ERBB2: variants seen among roughly 807,000 people sequenced by gnomAD.
ERBB2 encodes erb-b2 receptor tyrosine kinase 2.
A neutral mutation model predicts 149.0 loss-of-function variants in ERBB2; 61 were observed. The ratio of observed to expected loss-of-function variants is 0.41; its 90% CI spans 0.33 to 0.51. The LOEUF (loss-of-function observed/expected upper bound fraction) is 0.51, where lower values mean the gene tolerates loss of function less well. Among genes scored for constraint, ERBB2 ranks in the 20% least tolerant of loss-of-function variants. The pLI, the probability that ERBB2 is intolerant of heterozygous loss-of-function variation, is 0.25. For synonymous variants in ERBB2, 633 were observed against 678.8 expected (o/e 0.93, Z 1.05); for missense variants, 1,205 against 1,655.1 (o/e 0.73, Z 4.72).
At position 39,727,045 on chromosome 17, in the gene ERBB2, C is replaced by T. The variant is rs750970918; in HGVS notation, c.3159+42C>T. 1 of 1,505,018 alleles carries T rather than the reference C, an allele frequency of 6.6e-7. No individual in the cohort carries two copies. The highest frequency in any genetic ancestry group is 8.9e-7 in the Non-Finnish European group (1 of 1,119,858). The allele number at this position is 1,505,018 out of a possible 1,614,324, so 93.2% of individuals were successfully genotyped here. A position where few individuals can be genotyped will look rare whatever the true frequency, so the allele number is the denominator to read the frequency against. Reference sequence around the variant, plus strand: ...ACACTGTGTGGCTGTCTGCTTACCTCCCCCAACCCCGGTGGACTAGGGTCC... The same window carrying T: ...ACACTGTGTGGCTGTCTGCTTACCTTCCCCAACCCCGGTGGACTAGGGTCC... On this transcript the variant is annotated intron_variant, in intron 25 of 26. Coordinates refer to ENST00000269571, the MANE Select transcript of ERBB2 (RefSeq NM_004448.4). This position sits in a 1 kb window ranked among gnomAD's most constrained non-coding sequence, Gnocchi z 4.3.
rs1031805968 is a variant in ERBB2, at chr17:39,725,572, C to G, written c.2726-135C>G. 20 of 1,214,658 alleles carry G rather than the reference C, an allele frequency of 1.6e-5. No individual in the cohort carries two copies. The highest frequency in any genetic ancestry group is 1.3e-5 in the Non-Finnish European group (11 of 862,002). 75.2% of individuals were successfully genotyped at this position (1,214,658 alleles called of 1,614,324 possible). A position where few individuals can be genotyped will look rare whatever the true frequency, so the allele number is the denominator to read the frequency against. On this transcript the variant is annotated intron_variant, in intron 22 of 26. Coordinates refer to ENST00000269571, the MANE Select transcript of ERBB2 (RefSeq NM_004448.4). This position sits in a 1 kb window ranked among gnomAD's most constrained non-coding sequence, Gnocchi z 4.6. ...GCACTTCCCAGGATTAGGGAAAGAC[C>G]GGGTAGGGTCTGTCTCCTGGCATCA...
In ERBB2 at chr17:39,715,841, C is replaced by T. The variant is rs768049972; in HGVS notation, c.1415C>T (p.Thr472Ile). 6.8e-6 allele frequency: 11 copies of T among 1,612,406 alleles called. No individual in the cohort carries two copies. The highest frequency in any genetic ancestry group is 1.6e-4 in the Middle Eastern group (1 of 6,062). Reference protein sequence around the residue: ...GSGLALIHHNTHLCFVHTVPW... With the variant: ...GSGLALIHHNIHLCFVHTVPW... ...GGACTGGCCCTCATCCACCATAACA[C>T]CCACCTCTGCTTCGTGCACACGGTG... Residue 472 changes from threonine to isoleucine, a missense_variant, in exon 12 of 27, where the codon ACC becomes ATC. By Grantham distance (89) the Thr-to-Ile change is moderately conservative. Transcript: ENST00000269571.
intron 3 of ERBB2, among the ~76,000 whole-genome samples, chr17:39,708,965 G>A (rs1186896635): frequency 6.6e-6 from 1 of 152,128 alleles, no homozygotes; most frequent in African/African-American, 2.4e-5. Flanking sequence ...GCAGATATAA[G>A]GGCCAAAAGT....
Position 39,725,952 on chromosome 17 carries a change from C to A in ERBB2, c.2872+99C>A. The A allele has an allele frequency of 1.6e-6, 2 of 1,284,294 alleles. No homozygotes were observed. Among genetic ancestry groups the A allele is most frequent in the East Asian group, 2.3e-5 (1 of 42,818 alleles). 79.6% of individuals were successfully genotyped at this position (1,284,294 alleles called of 1,614,324 possible). On this transcript the variant is annotated intron_variant, in intron 23 of 26. Coordinates refer to ENST00000269571, the MANE Select transcript of ERBB2 (RefSeq NM_004448.4). This position sits in a 1 kb window ranked among gnomAD's most constrained non-coding sequence, Gnocchi z 4.6. ...GAAAGGGGACCAGGATGTATGTAGACCCAGGAGCCCTAGTATGTTAGGAGC... is the reference window on the plus strand; with the variant it reads ...GAAAGGGGACCAGGATGTATGTAGAACCAGGAGCCCTAGTATGTTAGGAGC...
At chr17:39,688,204 C>T in exon 1 of ERBB2, 1 of 457,484 alleles carries the variant, frequency 2.2e-6, no homozygotes, top group East Asian at 3.5e-5. Flanking sequence ...TATATCGAGG[C>T]GATAGGGTTA....
In ERBB2 at chr17:39,705,580, C is replaced by T. The variant is rs4252601; in HGVS notation, c.74-1410C>T. 9.9e-5 allele frequency among the ~76,000 whole-genome samples: 15 copies of T among 152,222 alleles called. No homozygotes were observed. In the South Asian group the frequency reaches 2.3e-3, roughly 23 times the overall value. ...CTCCCTCCTGTTCCTCCCTCTTTGT[C>T]CTTATCTGCCTAGAGAGGTGGGAAT... On this transcript the variant is annotated intron_variant, in intron 1 of 26. Transcript: ENST00000269571.
intron 3 of ERBB2, 23 bp downstream of exon 3, chr17:39,708,557 CCTT>C (rs2058601897): frequency 6.3e-7 from 1 of 1,595,810 alleles, no homozygotes. Flanking sequence ...GTCATTGAAA[CCTT>C]CTCTTGGTTA....
rs753267835 is a variant in ERBB2 at position 39,717,467 on chromosome 17, A to G, written c.1885A>G (p.Asn629Asp). The change falls in exon 15 of 27, where the codon AAC becomes GAC. Residue 629 changes from asparagine to aspartate, a missense_variant. Physicochemically the swap from Asn to Asp is conservative, Grantham distance 23. This residue lies in a region of ERBB2 where 569 missense variants were observed against 803.5 expected (regional missense o/e 0.71). Transcript: ENST00000269571. ...GGGCGCATGCCAGCCTTGCCCCATC[A>G]ACTGCACCCACTCGTGAGTCCAACG... is the stretch of plus-strand genomic sequence containing the variant. ...EEGACQPCPI[N>D]CTHSCVDLDD... The G allele has an allele frequency of 1.5e-5, 24 of 1,612,624 alleles. No homozygotes were observed. In the South Asian group the frequency reaches 2.3e-4, roughly 16 times the overall value.
rs951123143 is a variant in ERBB2, at chr17:39,723,798, G to A, written c.2209-114G>A. ...GGGCAGTTACAGCGGAGAAGGGAGC[G>A]GGGCCAAGCCCTAGGGTGGTGAAGG... On this transcript the variant is annotated intron_variant, in intron 18 of 26. Transcript: ENST00000269571. This position sits in a 1 kb window ranked among gnomAD's most constrained non-coding sequence, Gnocchi z 6.2. 2 of 1,488,592 alleles carry A rather than the reference G, an allele frequency of 1.3e-6. No individual in the cohort carries two copies. Among genetic ancestry groups the A allele is most frequent in the South Asian group, 2.4e-5 (2 of 82,496 alleles). 92.2% of individuals were successfully genotyped at this position (1,488,592 alleles called of 1,614,324 possible).
rs138611862 is a variant in ERBB2, at chr17:39,727,706, G to A, written c.3430G>A (p.Asp1144Asn). 14 of 1,555,730 alleles carry A rather than the reference G, an allele frequency of 9.0e-6. No individual in the cohort carries two copies. Among genetic ancestry groups the A allele is most frequent in the Non-Finnish European group, 1.1e-5 (13 of 1,151,588 alleles). The change falls in exon 27 of 27, where the codon GAT (aspartate) becomes AAT (asparagine). Residue 1144 changes from aspartate to asparagine, a missense_variant. Coordinates refer to ENST00000269571, the MANE Select transcript of ERBB2 (RefSeq NM_004448.4). This position sits in a 1 kb window ranked among gnomAD's most constrained non-coding sequence, Gnocchi z 4.3. ...CCTTTCAGAATATGTGAACCAGCCA[G>A]ATGTTCGGCCCCAGCCCCCTTCGCC... ...SPQPEYVNQP[D>N]VRPQPPSPRE...
chr17:39,711,430 G>A (rs2058792649), intron 7 of ERBB2, among the ~76,000 whole-genome samples: 1 of 152,154 alleles, frequency 6.6e-6, no homozygotes, highest in Admixed American at 6.5e-5. Context: ...GACCTCAAGT[G>A]ATCCACCCGC....
At chr17:39,695,757 A>ACACACACACACACACACACC (rs1197572966), upstream of ERBB2, among the ~76,000 whole-genome samples, 1 of 142,470 alleles carries the variant, frequency 7.0e-6, no homozygotes, top group African/African-American at 2.6e-5. Flanking sequence ...ACACACACAC[A>ACACACACACACACACACACC]CGTCTCCTGT....
upstream of ERBB2, among the ~76,000 whole-genome samples, chr17:39,694,262 T>TATATATATACAC (rs1597842228): frequency 6.9e-5 from 2 of 28,906 alleles, no homozygotes; most frequent in Admixed American, 3.8e-4. Context: ...TATATATATA[T>TATATATATACAC]ATATATGTGT....
intron 9 of ERBB2, among the ~76,000 whole-genome samples, chr17:39,714,970 A>G (rs753592933): frequency 7.2e-5 from 11 of 152,066 alleles, no homozygotes; most frequent in Middle Eastern, 3.4e-3. Context: ...GGGTTTCACC[A>G]TGTTGGCCAG....
chr17:39,724,584 G>A, intron 19 of ERBB2, 142 bp from the exon 20 acceptor site: 1 of 706,308 alleles, frequency 1.4e-6, no homozygotes, highest in African/African-American at 1.8e-5. Flanking sequence ...AGTAGAGACA[G>A]GGTTTCACCA....
chr17:39,700,401 G>A (rs1597851044), intron 1 of ERBB2, 90 bp downstream of exon 1: 2 of 1,074,848 alleles, frequency 1.9e-6, no homozygotes, highest in Non-Finnish European at 1.2e-6. Flanking sequence ...GGGGCCAGAG[G>A]GGCCCGGACG....
Position 39,710,321 on chromosome 17 carries a change from C to G in ERBB2, c.760-19C>G, listed in dbSNP as rs1467859365. On this transcript the variant is annotated intron_variant, in intron 6 of 26. Coordinates refer to ENST00000269571, the MANE Select transcript of ERBB2 (RefSeq NM_004448.4). ...CAGGGCAAAACAGCACAGTGAAAGC[C>G]AGCCACCTGTCCCCCCAGGCCTGCC... 1.1e-5 allele frequency: 18 copies of G among 1,614,042 alleles called. No homozygotes were observed. The highest frequency in any genetic ancestry group is 1.5e-5 in the Non-Finnish European group (18 of 1,180,010).
chr17:39,690,381 C>T (rs970790848), upstream of ERBB2, among the ~76,000 whole-genome samples: 2 of 152,166 alleles, frequency 1.3e-5, no homozygotes, highest in Admixed American at 6.5e-5. Context: ...CCATGCCACA[C>T]GGCCATAAAA....
upstream of ERBB2, among the ~76,000 whole-genome samples, chr17:39,697,503 T>C (rs1302674076): frequency 6.7e-6 from 1 of 149,348 alleles, no homozygotes; most frequent in African/African-American, 2.5e-5. Flanking sequence ...ATTACAGGCA[T>C]GCGCCACCAT....
Sources: gnomAD v4.1 joint callset for allele counts (sites outside exome capture counted in the v4.1 genomes callset) on GRCh38, gnomAD v4.1.1 for gene constraint, gnomAD v4.1.1 regional missense constraint, Gnocchi (gnomAD v3.1) non-coding constraint, MANE v1.5 for transcripts, NCBI Gene and HGNC (gene_info 2026-07-23, HGNC 2026-07-21) for gene names.